Variants in DNER observed in about 807,000 individuals in gnomAD.
The protein encoded by DNER is delta and Notch-like epidermal growth factor-related receptor.
DNER carries 33 observed loss-of-function variants against 78.2 expected under a neutral mutation model. The ratio of observed to expected loss-of-function variants is 0.42; its 90% CI spans 0.32 to 0.56. The LOEUF is 0.56. Among genes scored for constraint, DNER ranks in the 20% least tolerant of loss-of-function variants. The pLI, the probability that DNER is intolerant of heterozygous loss-of-function variation, is 0.11. For synonymous variants in DNER, 417 were observed against 384.8 expected, an observed-to-expected ratio of 1.08 and a Z score of -0.98; for missense variants, 918 against 975.3, an observed-to-expected ratio of 0.94 and a Z score of 0.78.
intron 6 of DNER, among the ~76,000 whole-genome samples, chr2:229,499,039 G>C (rs1285236491): frequency 6.6e-6 from 1 of 152,164 alleles, no homozygotes; most frequent in African/African-American, 2.4e-5. Flanking sequence ...AATCAAAACA[G>C]CATGGTGCTG....
chr2:229,501,521 C>T (rs1313622274), intron 6 of DNER, among the ~76,000 whole-genome samples: 3 of 152,086 alleles, frequency 2.0e-5, no homozygotes, highest in Middle Eastern at 6.8e-3. Context: ...AGATTCTTTG[C>T]TGAAAATATT....
chr2:229,684,169 A>AGT (rs59016911), intron 1 of DNER, among the ~76,000 whole-genome samples: 3,479 of 94,524 alleles, frequency 0.037, 79 homozygotes, highest in African/African-American at 0.049. Flanking sequence ...AGAGAGAGAG[A>AGT]GTGTGTGTGT....
In DNER at chr2:229,364,807, G is replaced by A. The variant is rs1574806729; in HGVS notation, c.2102+2066C>T. ...AACCTCTTAGCTTCTATGCCATTCA[G>A]ATAGAATAATTTGGGTTTTCTCATG... On this transcript the variant is annotated intron_variant, in intron 12 of 12. Coordinates refer to ENST00000341772, the MANE Select transcript of DNER (RefSeq NM_139072.4). Among the ~76,000 whole-genome samples the A allele has an allele frequency of 2.7e-5, 4 of 146,950 alleles. No individual in the cohort carries two copies. In the Middle Eastern group the frequency reaches 0.015, roughly 540 times the overall value.
intron 11 of DNER, among the ~76,000 whole-genome samples, chr2:229,376,827 A>G (rs1010564415): frequency 6.6e-6 from 1 of 152,158 alleles, no homozygotes; most frequent in Non-Finnish European, 1.5e-5. Flanking sequence ...GGATAAGGAG[A>G]GATATTAATT....
rs115269684 is a variant in DNER, at chr2:229,431,482, A to G, written c.1487-13252T>C. 6.9e-3 allele frequency among the ~76,000 whole-genome samples: 1,043 copies of G among 151,940 alleles called. 12 individuals carry two copies. The highest frequency in any genetic ancestry group is 0.024 in the African/African-American group (985 of 41,418). On this transcript the variant is annotated intron_variant, in intron 8 of 12. Coordinates refer to ENST00000341772, the MANE Select transcript of DNER (RefSeq NM_139072.4). ...AAACTAGTCACACTGAGAAAAATCA[A>G]TCTCTTCACAATGTTTTAGCTATGT...
intron 1 of DNER, among the ~76,000 whole-genome samples, chr2:229,655,046 T>C (rs1035375075): frequency 2.6e-5 from 4 of 152,152 alleles, no homozygotes; most frequent in African/African-American, 9.7e-5. Flanking sequence ...GAGATGAATC[T>C]AATAGAATGA....
At chr2:229,648,668 T>C (rs1276941827) in intron 1 of DNER, among the ~76,000 whole-genome samples, 1 of 152,348 alleles carries the variant, frequency 6.6e-6, no homozygotes, top group African/African-American at 2.4e-5. Flanking sequence ...TAATCTTTAG[T>C]TTTGCACTGG....
At chr2:229,581,772 G>A (rs890888333) in intron 4 of DNER, among the ~76,000 whole-genome samples, 2 of 152,214 alleles carry the variant, frequency 1.3e-5, no homozygotes, top group Admixed American at 6.5e-5. Flanking sequence ...GAGTATTTGT[G>A]TAAATCTGGT....
At chr2:229,372,059 A>G (rs1367672375) in intron 11 of DNER, among the ~76,000 whole-genome samples, 1 of 152,232 alleles carries the variant, frequency 6.6e-6, no homozygotes, top group Non-Finnish European at 1.5e-5. Flanking sequence ...ATGAATGCGA[A>G]AAGGGAATGA....
Position 229,458,080 on chromosome 2 carries a change from G to A in DNER, c.1262-10540C>T, listed in dbSNP as rs530192646. Among the ~76,000 whole-genome samples, 195 of 125,104 alleles carry A rather than the reference G, an allele frequency of 1.6e-3. 1 individual carries two copies. Among genetic ancestry groups the A allele is most frequent in the African/African-American group, 5.6e-3 (182 of 32,322 alleles). 82.1% of individuals were successfully genotyped at this position (125,104 alleles called of 152,430 possible). On this transcript the variant is annotated intron_variant, in intron 7 of 12. Coordinates refer to ENST00000341772, the MANE Select transcript of DNER (RefSeq NM_139072.4). ...AAACCCAGGAGGCAGAGGTTGCAGTGAGCTGAGATCACACCACTGCACTCC... is the reference window on the plus strand; with the variant it reads ...AAACCCAGGAGGCAGAGGTTGCAGTAAGCTGAGATCACACCACTGCACTCC...
intron 1 of DNER, among the ~76,000 whole-genome samples, chr2:229,694,056 C>T (rs1381984061): frequency 6.6e-6 from 1 of 152,238 alleles, no homozygotes; most frequent in African/African-American, 2.4e-5. Context: ...TTGTGTCCCA[C>T]CTGCTTCAGC....
At chr2:229,509,696 C>T (rs1235680417) in intron 6 of DNER, among the ~76,000 whole-genome samples, 1 of 152,128 alleles carries the variant, frequency 6.6e-6, no homozygotes, top group Admixed American at 6.6e-5. Flanking sequence ...TGCCTGTAAT[C>T]CCTGCTACTT....
At chr2:229,472,856 C>T (rs1220325761) in intron 7 of DNER, among the ~76,000 whole-genome samples, 1 of 152,154 alleles carries the variant, frequency 6.6e-6, no homozygotes, top group Non-Finnish European at 1.5e-5. Context: ...AGTCGAAATT[C>T]AGGAGAAATA....
At chr2:229,487,264 C>CCT (rs1695296351) in intron 6 of DNER, among the ~76,000 whole-genome samples, 1 of 152,178 alleles carries the variant, frequency 6.6e-6, no homozygotes, top group Non-Finnish European at 1.5e-5. Flanking sequence ...TTTATGCCAG[C>CCT]CTCTAGCACA....
At chr2:229,474,392 G>A (rs985650345) in intron 7 of DNER, among the ~76,000 whole-genome samples, 1 of 152,192 alleles carries the variant, frequency 6.6e-6, no homozygotes, top group African/African-American at 2.4e-5. Context: ...ATGAAAGCCT[G>A]CTTTTCCCTG....
At chr2:229,589,790 A>T (rs536024093) in intron 2 of DNER, among the ~76,000 whole-genome samples, 43 of 152,198 alleles carry the variant, frequency 2.8e-4, no homozygotes, top group Non-Finnish European at 5.1e-4. Context: ...AAGCATTAAC[A>T]TCATAACTTC....
intron 7 of DNER, among the ~76,000 whole-genome samples, chr2:229,451,183 G>T (rs1694448940): frequency 6.6e-6 from 1 of 152,246 alleles, no homozygotes; most frequent in Non-Finnish European, 1.5e-5. Flanking sequence ...AACAGGCCAG[G>T]CGTGATGGCT....
chr2:229,453,920 T>TAAAAAAAAAAAAAAA (rs10602558), intron 7 of DNER, among the ~76,000 whole-genome samples: 2 of 106,864 alleles, frequency 1.9e-5, no homozygotes, highest in Non-Finnish European at 3.8e-5. Flanking sequence ...TAAAATATAT[T>TAAAAAAAAAAAAAAA]AAAAAAAAAA....
intron 12 of DNER, among the ~76,000 whole-genome samples, chr2:229,362,560 C>T (rs562682080): frequency 1.3e-5 from 2 of 152,326 alleles, no homozygotes; most frequent in East Asian, 3.9e-4. Flanking sequence ...AACTCTGTGA[C>T]CCTTGTGTAA....
Sources: gnomAD v4.1 joint callset for allele counts (sites outside exome capture counted in the v4.1 genomes callset) on GRCh38, gnomAD v4.1.1 for gene constraint, MANE v1.5 for transcripts, NCBI Gene and HGNC (gene_info 2026-07-23, HGNC 2026-07-21) for gene names.